Variants in IFT122 observed in about 807,000 individuals in gnomAD.
IFT122 encodes the protein intraflagellar transport protein 122 homolog.
A neutral mutation model predicts 161.6 loss-of-function variants in IFT122; 118 were observed. The observed-to-expected ratio is 0.73, with a 90% CI of 0.63 to 0.85. The LOEUF is 0.85. IFT122 is among the 40% of genes least tolerant of loss of function. IFT122 has a pLI of 0.00. For missense variants in IFT122, 1,381 were observed against 1,579.6 expected (o/e 0.87, Z 2.13); for synonymous variants, 550 against 602.4 (o/e 0.91, Z 1.27).
chr3:129,520,082 C>A, intron 29 of IFT122, 94 bp from the exon 30 acceptor site: 2 of 1,026,744 alleles, frequency 1.9e-6, no homozygotes, highest in Non-Finnish European at 3.0e-6. Context: ...CACTGCCAAG[C>A]CCCCTCCCCT....
chr3:129,494,132 T>C (rs2080524948), intron 17 of IFT122, among the ~76,000 whole-genome samples: 1 of 152,188 alleles, frequency 6.6e-6, no homozygotes, highest in Non-Finnish European at 1.5e-5. Context: ...AGATCGTTTT[T>C]ATTGGTCATG....
At chr3:129,480,690 T>G (rs1241395236) in intron 13 of IFT122, among the ~76,000 whole-genome samples, 2 of 152,118 alleles carry the variant, frequency 1.3e-5, no homozygotes, top group African/African-American at 4.8e-5. Flanking sequence ...AATGGGAGCA[T>G]GGACTATGGG....
chr3:129,517,442 C>T, intron 26 of IFT122, 27 bp from the exon 27 acceptor site: 1 of 1,612,292 alleles, frequency 6.2e-7, no homozygotes, highest in Non-Finnish European at 8.5e-7. Flanking sequence ...CCTCCAGCCC[C>T]CTCAGCCCTT....
chr3:129,481,794 A>C (rs2078680729), intron 14 of IFT122, 100 bp downstream of exon 14: 1 of 1,374,012 alleles, frequency 7.3e-7, no homozygotes, highest in East Asian at 2.4e-5. Flanking sequence ...TGGCCCAGGC[A>C]GGTCTCTGGG....
chr3:129,477,239 A>C (rs1005523483), intron 11 of IFT122, among the ~76,000 whole-genome samples: 3 of 152,048 alleles, frequency 2.0e-5, no homozygotes, highest in African/African-American at 7.2e-5. Context: ...AGAGATGAGC[A>C]GTGGAATTGG....
chr3:129,474,689 C>A (rs1403337715), intron 9 of IFT122, among the ~76,000 whole-genome samples: 1 of 152,250 alleles, frequency 6.6e-6, no homozygotes, highest in East Asian at 1.9e-4. Flanking sequence ...AGGAAACTTA[C>A]AAGTTCATTT....
chr3:129,476,327 C>A lies in IFT122; in HGVS notation c.829C>A (p.Arg277=), dbSNP rs61744448. Residue 277 remains arginine (R), a synonymous_variant, in exon 10 of 30, where the codon CGG becomes AGG. Transcript: ENST00000348417. The part of the protein sequence containing the change: ...QLSGKQIGKD[R]ALNFDPCCIS... ...TCTTTTTCCTCAGATTGGAAAGGAT[C>A]GGGCACTGAACTTTGACCCCTGCTG... The A allele has an allele frequency of 1.2e-6, 2 of 1,614,138 alleles. No individual in the cohort carries two copies. The highest frequency in any genetic ancestry group is 1.1e-5 in the South Asian group (1 of 91,084).
intron 26 of IFT122, among the ~76,000 whole-genome samples, chr3:129,517,158 C>CAT (rs1239762166): frequency 1.4e-5 from 2 of 146,128 alleles, no homozygotes; most frequent in Non-Finnish European, 1.5e-5. Flanking sequence ...TGCACACACA[C>CAT]GGAGACTGCC....
intron 3 of IFT122, among the ~76,000 whole-genome samples, chr3:129,457,124 C>G: frequency 6.6e-6 from 1 of 152,202 alleles, no homozygotes; most frequent in African/African-American, 2.4e-5. Flanking sequence ...TAATCCTCGT[C>G]TCTCACCAGA....
chr3:129,441,855 C>T (rs561083404), intron 1 of IFT122, among the ~76,000 whole-genome samples: 1 of 152,148 alleles, frequency 6.6e-6, no homozygotes, highest in South Asian at 2.1e-4. Context: ...ATAAACGTAC[C>T]TATAGCACAA....
At chr3:129,459,626 TTC>T (rs2075963907) in intron 4 of IFT122, among the ~76,000 whole-genome samples, 1 of 148,072 alleles carries the variant, frequency 6.8e-6, no homozygotes, top group Non-Finnish European at 1.5e-5. Flanking sequence ...CCTTCCTTCC[TTC>T]CTTCCTTCCC....
intron 4 of IFT122, chr3:129,460,854 A>C: frequency 6.2e-7 from 1 of 1,613,006 alleles, no homozygotes; most frequent in Non-Finnish European, 8.5e-7. Flanking sequence ...ATGTTTCCAG[A>C]TCTTGGTCTG....
intron 4 of IFT122, among the ~76,000 whole-genome samples, chr3:129,460,668 A>G (rs192562093): frequency 2.6e-5 from 4 of 152,276 alleles, no homozygotes; most frequent in African/African-American, 7.2e-5. Context: ...CTTAGCTATT[A>G]TGAATAATGC....
At chr3:129,500,587 G>A (rs573185395) in intron 19 of IFT122, among the ~76,000 whole-genome samples, 1 of 152,224 alleles carries the variant, frequency 6.6e-6, no homozygotes, top group East Asian at 1.9e-4. Flanking sequence ...TCTTATGGGA[G>A]GAACCATGGA....
intron 18 of IFT122, among the ~76,000 whole-genome samples, chr3:129,495,958 C>T (rs1472978564): frequency 1.3e-5 from 2 of 152,322 alleles, no homozygotes; most frequent in African/African-American, 2.4e-5. Context: ...TGTCAGGAGC[C>T]GCCAAGAATC....
intron 18 of IFT122, among the ~76,000 whole-genome samples, chr3:129,498,315 C>G (rs1321910378): frequency 1.3e-5 from 2 of 152,238 alleles, no homozygotes; most frequent in Non-Finnish European, 2.9e-5. Context: ...TTTCTAGTCT[C>G]CTAAGATGCC....
chr3:129,515,771 G>A (rs1462145049), intron 26 of IFT122, among the ~76,000 whole-genome samples, 172 bp downstream of exon 26: 5 of 152,086 alleles, frequency 3.3e-5, no homozygotes, highest in East Asian at 1.9e-4. Context: ...AGTCACTGTC[G>A]GTGTTCCCAG....
intron 9 of IFT122, among the ~76,000 whole-genome samples, chr3:129,473,071 A>G (rs1379026662): frequency 1.3e-5 from 2 of 152,158 alleles, no homozygotes; most frequent in Non-Finnish European, 2.9e-5. Context: ...GAGGCCAAGG[A>G]GGGACGATTG....
At position 129,440,271 on chromosome 3, in the gene IFT122, C is replaced by G; in HGVS notation, c.-60C>G. ...TGTGGAGTGGCGACCGTTAGTGAGG[C>G]GGTTGCTGAGACAGACGCTGAGGCG... On this transcript the variant is annotated 5_prime_UTR_variant, in exon 1 of 30. Transcript: ENST00000348417. 1 of 1,544,994 alleles carries G rather than the reference C, an allele frequency of 6.5e-7. No homozygotes were observed. The highest frequency in any genetic ancestry group is 8.7e-7 in the Non-Finnish European group (1 of 1,143,808).
Sources: allele counts gnomAD v4.1 joint callset (sites outside exome capture counted in the v4.1 genomes callset), GRCh38; gene constraint gnomAD v4.1.1; transcripts MANE v1.5; gene names NCBI Gene and HGNC (gene_info 2026-07-23, HGNC 2026-07-21).